VPS13C: variants seen among roughly 807,000 people sequenced by gnomAD.
VPS13C encodes the protein intermembrane lipid transfer protein VPS13C.
Under a neutral mutation model 456.8 loss-of-function variants are expected in VPS13C, and 358 were observed. The ratio of observed to expected loss-of-function variants is 0.78; its 90% CI spans 0.72 to 0.86. VPS13C has a LOEUF of 0.86. Ranked by LOEUF, VPS13C falls within the 40% of genes least tolerant of loss-of-function variation. The probability of loss-of-function intolerance (pLI) is 0.00; values close to 1 mark genes in which losing one functional copy is unlikely to be tolerated. For synonymous variants in VPS13C, 1,578 were observed against 1,486.7 expected (o/e 1.06, Z -1.41); for missense variants, 4,818 against 4,385.4 (o/e 1.10, Z -2.79).
At chr15:61,866,056 G>A (rs1894566983) in intron 81 of VPS13C, 3 of 984,450 alleles carry the variant, frequency 3.0e-6, no homozygotes. Context: ...GTCCCTTAAG[G>A]ACAGAAGGCT....
intron 15 of VPS13C, among the ~76,000 whole-genome samples, chr15:62,004,414 C>T (rs1485099615): frequency 5.3e-5 from 8 of 151,662 alleles, no homozygotes; most frequent in Admixed American, 5.3e-4. Context: ...TCTCTTTTTT[C>T]TTCTTTATTA....
intron 53 of VPS13C, among the ~76,000 whole-genome samples, chr15:61,923,727 A>G (rs1175027661): frequency 6.7e-6 from 1 of 149,716 alleles, no homozygotes; most frequent in Non-Finnish European, 1.5e-5. Context: ...AGCAGGATCT[A>G]GTATGTATTG....
At chr15:61,880,466 ACTGTCTT>A in intron 73 of VPS13C, 136 bp downstream of exon 73, 1 of 537,178 alleles carries the variant, frequency 1.9e-6, no homozygotes, top group Non-Finnish European at 3.2e-6. Flanking sequence ...GCTACAGAGA[ACTGTCTT>A]AATTATTTCG....
chr15:61,974,425 T>C lies in VPS13C; in HGVS notation c.2409-8A>G. On this transcript the variant is annotated splice_region_variant and splice_polypyrimidine_tract_variant and intron_variant, in intron 24 of 84. Coordinates refer to ENST00000644861, the MANE Select transcript of VPS13C (RefSeq NM_020821.3). ...CCTCCTGACACTTTAAATCTAAAAATACAATTCAGTGGTTTTAAGTCAGCA... is the reference window on the plus strand; with the variant it reads ...CCTCCTGACACTTTAAATCTAAAAACACAATTCAGTGGTTTTAAGTCAGCA... 5.0e-6 allele frequency: 8 copies of C among 1,610,648 alleles called. No individual in the cohort carries two copies. Among genetic ancestry groups the C allele is most frequent in the South Asian group, 1.1e-5 (1 of 90,856 alleles).
At chr15:62,004,777 T>C (rs1168837386) in intron 15 of VPS13C, among the ~76,000 whole-genome samples, 1 of 150,798 alleles carries the variant, frequency 6.6e-6, no homozygotes, top group African/African-American at 2.4e-5. Flanking sequence ...TTTCGTTATG[T>C]ACCCAGTAGT....
At chr15:61,862,592 G>A (rs942547371) in intron 82 of VPS13C, among the ~76,000 whole-genome samples, 1 of 152,112 alleles carries the variant, frequency 6.6e-6, no homozygotes, top group African/African-American at 2.4e-5. Flanking sequence ...ATAAAATTAT[G>A]GACATAAAAA....
chr15:61,979,835 T>C (rs572063062), intron 22 of VPS13C, among the ~76,000 whole-genome samples: 10 of 152,196 alleles, frequency 6.6e-5, no homozygotes, highest in Middle Eastern at 3.4e-3. Context: ...ATGGAAATTT[T>C]AAAAACAAGT....
At chr15:62,002,946 G>C (rs1596460974) in intron 15 of VPS13C, among the ~76,000 whole-genome samples, 1 of 152,182 alleles carries the variant, frequency 6.6e-6, no homozygotes, top group Non-Finnish European at 1.5e-5. Context: ...TTTGAAGTCA[G>C]GTAGTGTGAT....
At position 61,868,559 on chromosome 15, in the gene VPS13C, C is replaced by A. The variant is rs7163441; in HGVS notation, c.10863+100G>T. On this transcript the variant is annotated intron_variant, in intron 81 of 84. Transcript: ENST00000644861. Reference sequence around the variant, plus strand: ...TAGAAACTATGTATAATACTTAAAGCAGTTCAAGAATCAGGAACTTTAAGA... The same window carrying A: ...TAGAAACTATGTATAATACTTAAAGAAGTTCAAGAATCAGGAACTTTAAGA... 486,371 of 895,470 alleles carry A rather than the reference C, an allele frequency of 0.54. 134,339 individuals carry two copies. Among genetic ancestry groups the A allele is most frequent in the Admixed American group, 0.65 (27,863 of 42,576 alleles). 55.5% of individuals were successfully genotyped at this position (895,470 alleles called of 1,614,324 possible).
At chr15:61,946,438 T>A in intron 43 of VPS13C, 28 bp from the exon 44 acceptor site, 1 of 1,538,648 alleles carries the variant, frequency 6.5e-7, no homozygotes. Flanking sequence ...TTTATAAACT[T>A]TTCACCCAAT....
In VPS13C at chr15:61,954,574, T is replaced by C; in HGVS notation, c.4166-20A>G. 1 of 1,565,772 alleles carries C rather than the reference T, an allele frequency of 6.4e-7. No homozygotes were observed. On this transcript the variant is annotated intron_variant, in intron 37 of 84. Transcript: ENST00000644861. ...TTTCACCTGAAATGTTTAAAAGAAA[T>C]TCATTACTTTTATTCACAAATTTCT...
At chr15:62,060,132 G>A in intron 1 of VPS13C, 143 bp downstream of exon 1, 1 of 419,158 alleles carries the variant, frequency 2.4e-6, no homozygotes, top group South Asian at 2.5e-5. Flanking sequence ...GGGCGGCAGA[G>A]GCTCCCGCAT....
At chr15:61,893,977 A>C (rs923894504) in intron 66 of VPS13C, among the ~76,000 whole-genome samples, 1 of 152,148 alleles carries the variant, frequency 6.6e-6, no homozygotes, top group Non-Finnish European at 1.5e-5. Flanking sequence ...TAAGGAAGTC[A>C]GTAAGAAAAG....
chr15:61,895,837 C>G (rs190438311), intron 66 of VPS13C, among the ~76,000 whole-genome samples: 150 of 152,106 alleles, frequency 9.9e-4, no homozygotes, highest in African/African-American at 3.0e-3. Flanking sequence ...GGAAAGATTT[C>G]TTAAAGGAGA....
chr15:62,008,186 G>A (rs529670891), intron 14 of VPS13C, among the ~76,000 whole-genome samples: 7 of 152,006 alleles, frequency 4.6e-5, no homozygotes, highest in South Asian at 4.2e-4. Flanking sequence ...AGCCAAGATC[G>A]CGTCACCGCA....
At chr15:62,009,547 T>G (rs556434998) in intron 13 of VPS13C, among the ~76,000 whole-genome samples, 15 of 152,340 alleles carry the variant, frequency 9.8e-5, no homozygotes, top group African/African-American at 3.6e-4. Context: ...TATGTTGATA[T>G]GATTAATATT....
intron 59 of VPS13C, 118 bp from the exon 60 acceptor site, chr15:61,917,753 T>A: frequency 8.5e-7 from 1 of 1,171,138 alleles, no homozygotes; most frequent in Non-Finnish European, 1.2e-6. Context: ...TTTTTACAGA[T>A]ATACAGATGA....
intron 5 of VPS13C, among the ~76,000 whole-genome samples, chr15:62,030,681 T>A (rs1387401391): frequency 6.6e-6 from 1 of 152,088 alleles, no homozygotes; most frequent in Non-Finnish European, 1.5e-5. Flanking sequence ...GATATATTCA[T>A]ATTATGAGAA....
intron 77 of VPS13C, 45 bp from the exon 78 acceptor site, chr15:61,873,454 T>C (rs751711026): frequency 1.9e-6 from 3 of 1,555,772 alleles, no homozygotes; most frequent in African/African-American, 2.7e-5. Context: ...CAAGGAACTA[T>C]ACAAGGAACT....
Sources: gnomAD v4.1 joint callset for allele counts (sites outside exome capture counted in the v4.1 genomes callset) on GRCh38, gnomAD v4.1.1 for gene constraint, MANE v1.5 for transcripts, NCBI Gene and HGNC (gene_info 2026-07-23, HGNC 2026-07-21) for gene names.